PREX1: variants seen among roughly 807,000 people sequenced by gnomAD.
PREX1 encodes phosphatidylinositol 3,4,5-trisphosphate-dependent Rac exchanger 1 protein.
In PREX1, 41 loss-of-function variants were observed where a neutral mutation model predicts 198.3. The observed-to-expected ratio is 0.21, with a 90% confidence interval of 0.16 to 0.27. The LOEUF is 0.27. Among genes scored for constraint, PREX1 ranks in the 10% least tolerant of loss-of-function variants. The probability of loss-of-function intolerance (pLI) is 1.00; values close to 1 mark genes in which losing one functional copy is unlikely to be tolerated. For synonymous variants in PREX1, 843 were observed against 887.2 expected (o/e 0.95, Z 0.89); for missense variants, 1,620 against 2,200.7 (o/e 0.74, Z 5.28).
At chr20:48,733,222 C>T (rs1241007039) in intron 4 of PREX1, among the ~76,000 whole-genome samples, 1 of 152,076 alleles carries the variant, frequency 6.6e-6, no homozygotes, top group Admixed American at 6.5e-5. Context: ...TGACCAAATG[C>T]AAATGCAAAT....
chr20:48,853,224 C>T, the PREX1 span, among the ~76,000 whole-genome samples: 1 of 152,032 alleles, frequency 6.6e-6, no homozygotes, highest in Non-Finnish European at 1.5e-5. Context: ...GAATTTAGAC[C>T]ATCAGAAAAG....
intron 24 of PREX1, 70 bp from the exon 25 acceptor site, chr20:48,649,646 A>T: frequency 6.8e-7 from 1 of 1,461,994 alleles, no homozygotes. Context: ...GGGCGGAACA[A>T]TACAAACCCA....
intron 19 of PREX1, among the ~76,000 whole-genome samples, chr20:48,654,522 G>A (rs2089527609): frequency 1.3e-5 from 2 of 152,182 alleles, no homozygotes; most frequent in South Asian, 2.1e-4. Flanking sequence ...CCCCAGTTAC[G>A]ACAAACAAAA....
chr20:48,884,283 C>T, the PREX1 span, among the ~76,000 whole-genome samples: 29 of 152,040 alleles, frequency 1.9e-4, no homozygotes, highest in African/African-American at 6.8e-4. Flanking sequence ...GATTTTAAAA[C>T]TTACTATAAG....
chr20:48,741,102 G>A (rs939586838), intron 3 of PREX1, among the ~76,000 whole-genome samples: 16 of 151,750 alleles, frequency 1.1e-4, no homozygotes, highest in African/African-American at 1.7e-4. Flanking sequence ...TCTGCCTCCC[G>A]GGTTCAAACG....
intron 2 of PREX1, among the ~76,000 whole-genome samples, chr20:48,745,436 C>A (rs1168835100): frequency 6.6e-6 from 1 of 152,136 alleles, no homozygotes; most frequent in African/African-American, 2.4e-5. Context: ...TTGTTATGCC[C>A]AATTTACAGA....
chr20:48,852,464 A>G, the PREX1 span, among the ~76,000 whole-genome samples: 1 of 152,218 alleles, frequency 6.6e-6, no homozygotes, highest in Non-Finnish European at 1.5e-5. Flanking sequence ...AAATGCACCT[A>G]TCTCTTGACC....
At chr20:48,639,188 C>T (rs539511475) in intron 30 of PREX1, among the ~76,000 whole-genome samples, 1 of 152,224 alleles carries the variant, frequency 6.6e-6, no homozygotes, top group East Asian at 1.9e-4. Context: ...GCACCTCGGC[C>T]CCACGTACAC....
At chr20:48,884,961 A>G in the PREX1 span, among the ~76,000 whole-genome samples, 2 of 152,308 alleles carry the variant, frequency 1.3e-5, no homozygotes, top group South Asian at 4.1e-4. Context: ...GATAATGTCC[A>G]TGCATGAAAG....
chr20:48,655,762 C>T (rs551805168), intron 18 of PREX1, among the ~76,000 whole-genome samples: 1 of 152,200 alleles, frequency 6.6e-6, no homozygotes, highest in South Asian at 2.1e-4. Context: ...GCTGGTACAT[C>T]TCGGTGCTGA....
At chr20:48,877,116 A>G in the PREX1 span, among the ~76,000 whole-genome samples, 1 of 152,104 alleles carries the variant, frequency 6.6e-6, no homozygotes, top group African/African-American at 2.4e-5. Flanking sequence ...CTAAAAATAC[A>G]AAATTAGCCA....
chr20:48,632,460 C>T (rs1467513436), intron 34 of PREX1, 36 bp downstream of exon 34: 2 of 1,613,662 alleles, frequency 1.2e-6, no homozygotes, highest in Non-Finnish European at 1.7e-6. Flanking sequence ...TTGGCCCGGC[C>T]CCCGTGGTCC....
At chr20:48,688,458 T>C (rs2089797898) in intron 10 of PREX1, among the ~76,000 whole-genome samples, 199 bp downstream of exon 10, 1 of 152,114 alleles carries the variant, frequency 6.6e-6, no homozygotes, top group African/African-American at 2.4e-5. Flanking sequence ...TGTCTGGTAG[T>C]AGGTTGAAAG....
intron 1 of PREX1, among the ~76,000 whole-genome samples, chr20:48,765,130 G>C (rs1389148094): frequency 6.6e-6 from 1 of 152,212 alleles, no homozygotes; most frequent in African/African-American, 2.4e-5. Flanking sequence ...CAAACCTGTT[G>C]TATCTCCATG....
intron 1 of PREX1, among the ~76,000 whole-genome samples, chr20:48,771,880 C>T (rs1861553888): frequency 6.6e-6 from 1 of 152,114 alleles, no homozygotes; most frequent in Admixed American, 6.6e-5. Flanking sequence ...TTATTACTTG[C>T]ATTTGATTTT....
intron 3 of PREX1, among the ~76,000 whole-genome samples, chr20:48,735,145 G>A (rs1460466222): frequency 6.6e-6 from 1 of 152,210 alleles, no homozygotes; most frequent in African/African-American, 2.4e-5. Context: ...AGAACCATCA[G>A]TCAGGGTTTC....
chr20:48,817,932 T>C (rs918568561), intron 1 of PREX1, among the ~76,000 whole-genome samples: 3 of 151,888 alleles, frequency 2.0e-5, no homozygotes, highest in African/African-American at 7.3e-5. Flanking sequence ...AGACAATAAG[T>C]AATAAATAAG....
At chr20:48,728,479 C>A (rs1387699130) in intron 4 of PREX1, among the ~76,000 whole-genome samples, 1 of 152,236 alleles carries the variant, frequency 6.6e-6, no homozygotes. Context: ...TTCTGGGGAC[C>A]CCAGGTCCCA....
At chr20:48,750,232 C>A (rs886605275) in intron 1 of PREX1, among the ~76,000 whole-genome samples, 9 of 152,158 alleles carry the variant, frequency 5.9e-5, no homozygotes, top group Non-Finnish European at 1.0e-4. Flanking sequence ...GCCACCACCC[C>A]CCCAGTCCAA....
Sources: allele counts gnomAD v4.1 joint callset (sites outside exome capture counted in the v4.1 genomes callset), GRCh38; gene constraint gnomAD v4.1.1; transcripts MANE v1.5; gene names NCBI Gene and HGNC (gene_info 2026-07-23, HGNC 2026-07-21).